CLTC: variants seen among roughly 807,000 people sequenced by gnomAD.
CLTC encodes clathrin heavy chain, also known as clathrin heavy chain 1.
Under a neutral mutation model 195.8 loss-of-function variants are expected in CLTC, and 16 were observed. That is an observed-to-expected ratio of 0.08 (90% CI 0.06 to 0.12). The LOEUF (loss-of-function observed/expected upper bound fraction) is 0.12. Ranked by LOEUF, CLTC falls within the 10% of genes least tolerant of loss-of-function variation. CLTC has a pLI of 1.00. For missense variants in CLTC, 796 were observed against 2,027.0 expected, an observed-to-expected ratio of 0.39 and a Z score of 11.66; for synonymous variants, 667 against 689.4, an observed-to-expected ratio of 0.97 and a Z score of 0.51.
chr17:59,633,360 G>T (rs909387654), intron 1 of CLTC, among the ~76,000 whole-genome samples: 2 of 152,106 alleles, frequency 1.3e-5, no homozygotes, highest in South Asian at 2.1e-4. Flanking sequence ...GGGCGTGGTG[G>T]TGCATGCCTG....
chr17:59,685,292 A>T lies in CLTC; in HGVS notation c.4605+66A>T, dbSNP rs910131250. The T allele has an allele frequency of 5.0e-6, 7 of 1,409,444 alleles. No individual in the cohort carries two copies. The highest frequency in any genetic ancestry group is 2.9e-6 in the Non-Finnish European group (3 of 1,046,610). 87.3% of individuals were successfully genotyped at this position (1,409,444 alleles called of 1,614,324 possible). Reference sequence around the variant, plus strand: ...CTAAAATGGTGTTACAAGTGATTATAATCTATAAATAAAAGTATTGGTTTT... The same window carrying T: ...CTAAAATGGTGTTACAAGTGATTATTATCTATAAATAAAAGTATTGGTTTT... On this transcript the variant is annotated intron_variant, in intron 29 of 31. Transcript: ENST00000269122. This position sits in a 1 kb window ranked among gnomAD's most constrained non-coding sequence, Gnocchi z 5.0.
Position 59,696,030 on chromosome 17 carries a change from A to ACTT in CLTC, c.*2179_*2181dup, listed in dbSNP as rs1427659802. On this transcript the variant is annotated 3_prime_UTR_variant, in exon 32 of 32. Coordinates refer to ENST00000269122, the MANE Select transcript of CLTC (RefSeq NM_004859.4). ...TTTTAGTAGATATGCCATGACAGTT[A>ACTT]CTTAGCCACCCCATGCCATCCTGTT... 5.8e-5 allele frequency: 12 copies of ACTT among 208,114 alleles called. No individual in the cohort carries two copies. The highest frequency in any genetic ancestry group is 2.7e-4 in the African/African-American group (12 of 44,042). The allele number at this position is 208,114 out of a possible 1,614,324, so 12.9% of individuals were successfully genotyped here. A position where few individuals can be genotyped will look rare whatever the true frequency, so the allele number is the denominator to read the frequency against.
At chr17:59,691,292 T>A (rs2033291661) in intron 31 of CLTC, among the ~76,000 whole-genome samples, 2 of 152,166 alleles carry the variant, frequency 1.3e-5, no homozygotes, top group African/African-American at 4.8e-5. Flanking sequence ...TTGAAGAGTA[T>A]AGGTAGAAGC....
chr17:59,686,212 A>G (rs760643513), intron 30 of CLTC, among the ~76,000 whole-genome samples: 2 of 152,076 alleles, frequency 1.3e-5, no homozygotes, highest in Non-Finnish European at 2.9e-5. Flanking sequence ...GGGAAGCTGC[A>G]TGTATATTCT....
chr17:59,695,099 T>C lies in CLTC; in HGVS notation c.*1247T>C, dbSNP rs576854691. 9.8e-6 allele frequency: 2 copies of C among 203,716 alleles called. No individual in the cohort carries two copies. Among genetic ancestry groups the C allele is most frequent in the Admixed American group, 1.2e-4 (2 of 16,708 alleles). The allele number at this position is 203,716 out of a possible 1,614,324, so 12.6% of individuals were successfully genotyped here. ...TGTTATATTAACTTGAAATAAAATATATTTAAACATGTAGTTAACATGCTC... is the reference window on the plus strand; with the variant it reads ...TGTTATATTAACTTGAAATAAAATACATTTAAACATGTAGTTAACATGCTC... On this transcript the variant is annotated 3_prime_UTR_variant, in exon 32 of 32. Transcript: ENST00000269122.
chr17:59,635,744 A>T (rs1320093874), intron 1 of CLTC, among the ~76,000 whole-genome samples: 1 of 152,160 alleles, frequency 6.6e-6, no homozygotes, highest in Non-Finnish European at 1.5e-5. Flanking sequence ...TCATAGTTTG[A>T]TCACTAATAT....
intron 31 of CLTC, chr17:59,690,973 C>T (rs897121474): frequency 3.3e-5 from 12 of 368,320 alleles, no homozygotes; most frequent in South Asian, 6.4e-5. Context: ...TGGTCCCTCA[C>T]GCATTACCTG....
At chr17:59,636,924 G>A (rs972022572) in intron 1 of CLTC, among the ~76,000 whole-genome samples, 3 of 149,122 alleles carry the variant, frequency 2.0e-5, no homozygotes, top group Admixed American at 6.7e-5. Context: ...CACCATGCCC[G>A]GCTAATTCTT....
At chr17:59,677,976 A>G (rs750774021) in intron 17 of CLTC, among the ~76,000 whole-genome samples, 2 of 152,160 alleles carry the variant, frequency 1.3e-5, no homozygotes, top group Non-Finnish European at 2.9e-5. Flanking sequence ...TATTAATTAA[A>G]CAGTTCCTCC....
intron 1 of CLTC, among the ~76,000 whole-genome samples, chr17:59,631,208 C>T (rs995312179): frequency 7.9e-5 from 12 of 152,244 alleles, no homozygotes; most frequent in Non-Finnish European, 1.5e-4. Context: ...AGATTGTTTC[C>T]GTTTCTTCTG....
intron 5 of CLTC, among the ~76,000 whole-genome samples, chr17:59,654,557 T>C (rs995890434): frequency 2.0e-5 from 3 of 152,012 alleles, no homozygotes; most frequent in African/African-American, 7.3e-5. Context: ...CTCGGCTCAC[T>C]GCAACCTCCG....
intron 5 of CLTC, among the ~76,000 whole-genome samples, chr17:59,655,421 A>T (rs2032441366): frequency 6.6e-6 from 1 of 152,264 alleles, no homozygotes; most frequent in African/African-American, 2.4e-5. Flanking sequence ...TGACAGATAC[A>T]ATAATGAAAA....
chr17:59,637,169 C>T (rs539250228), intron 1 of CLTC, among the ~76,000 whole-genome samples: 3 of 152,102 alleles, frequency 2.0e-5, no homozygotes, highest in East Asian at 1.9e-4. Flanking sequence ...TCATATTTTC[C>T]TCATTGTCCC....
chr17:59,636,536 A>C (rs1456143848), intron 1 of CLTC, among the ~76,000 whole-genome samples: 1 of 149,818 alleles, frequency 6.7e-6, no homozygotes, highest in Non-Finnish European at 1.5e-5. Context: ...GCTCACTGCA[A>C]CCTCTGCTTC....
chr17:59,679,075 T>TAA (rs1245995986), intron 17 of CLTC, among the ~76,000 whole-genome samples: 6 of 152,322 alleles, frequency 3.9e-5, no homozygotes, highest in African/African-American at 1.4e-4. Context: ...GGTCAGGGCT[T>TAA]AGTTACATTT....
At position 59,681,845 on chromosome 17, in the gene CLTC, A is replaced by G. The variant is rs200720789; in HGVS notation, c.3442+6A>G. The G allele has an allele frequency of 2.9e-4, 466 of 1,602,716 alleles. 2 individuals carry two copies. In the African/African-American group the frequency reaches 5.7e-3, roughly 20 times the overall value. On this transcript the variant is annotated splice_donor_region_variant and intron_variant, in intron 21 of 31. Transcript: ENST00000269122. The surrounding 1 kb of genome is among the most constrained non-coding windows in gnomAD (Gnocchi z 5.0). ...TCAGGCTGCCAATACTAGTGGTATG[A>G]CTTCTTACCTTATGTATTGAAACCT...
chr17:59,645,848 T>G (rs1487748320), intron 2 of CLTC, among the ~76,000 whole-genome samples: 2 of 88,632 alleles, frequency 2.3e-5, no homozygotes, highest in Non-Finnish European at 5.2e-5. Context: ...TACTTCTATT[T>G]AGGGTATTAA....
chr17:59,622,494 C>T (rs1234661538), intron 1 of CLTC, among the ~76,000 whole-genome samples: 1 of 152,178 alleles, frequency 6.6e-6, no homozygotes, highest in Non-Finnish European at 1.5e-5. Flanking sequence ...CCTCCCACCT[C>T]AGCATCCTGA....
intron 10 of CLTC, among the ~76,000 whole-genome samples, 189 bp downstream of exon 10, chr17:59,665,098 G>A (rs2032697762): frequency 6.6e-6 from 1 of 152,044 alleles, no homozygotes; most frequent in African/African-American, 2.4e-5. Context: ...GGTGGCACAT[G>A]CCTGTCGCCC....
Sources: gnomAD v4.1 joint callset for allele counts (sites outside exome capture counted in the v4.1 genomes callset) on GRCh38, gnomAD v4.1.1 for gene constraint, Gnocchi (gnomAD v3.1) non-coding constraint, MANE v1.5 for transcripts, NCBI Gene and HGNC (gene_info 2026-07-23, HGNC 2026-07-21) for gene names.